The following PHKB variants were observed in gnomAD, a reference collection of about 807,000 sequenced individuals.
PHKB encodes phosphorylase kinase regulatory subunit beta.
Under a neutral mutation model 152.1 loss-of-function variants are expected in PHKB, and 122 were observed. The observed-to-expected ratio is 0.80, with a 90% CI of 0.69 to 0.93. The LOEUF is 0.93. PHKB is among the 40% of genes least tolerant of loss of function. The pLI is 0.00. For synonymous variants in PHKB, 436 were observed against 464.9 expected, an observed-to-expected ratio of 0.94 and a Z score of 0.80; for missense variants, 1,304 against 1,328.4, an observed-to-expected ratio of 0.98 and a Z score of 0.29.
At chr16:47,689,604 C>G (rs192705577) in intron 27 of PHKB, among the ~76,000 whole-genome samples, 5 of 152,132 alleles carry the variant, frequency 3.3e-5, no homozygotes, top group Admixed American at 2.6e-4. Context: ...AATGCTAAAC[C>G]CTTTCCTAGA....
chr16:47,511,636 ATGT>A, intron 4 of PHKB, 26 bp from the exon 5 acceptor site: 1 of 1,399,496 alleles, frequency 7.1e-7, no homozygotes, highest in Non-Finnish European at 1.0e-6. Flanking sequence ...TGAATTACTA[ATGT>A]TGTTTAATTT....
At chr16:47,637,295 C>T (rs541058657) in intron 14 of PHKB, among the ~76,000 whole-genome samples, 19 of 152,300 alleles carry the variant, frequency 1.2e-4, no homozygotes, top group East Asian at 7.7e-4. Context: ...GGGACAAGAA[C>T]TTGGGACTCA....
At chr16:47,668,187 G>A (rs1432576749) in intron 25 of PHKB, among the ~76,000 whole-genome samples, 1 of 152,186 alleles carries the variant, frequency 6.6e-6, no homozygotes, top group East Asian at 1.9e-4. Context: ...ATGAAATCAT[G>A]GCTTAGTCAT....
chr16:47,548,876 T>G (rs1383025514), intron 7 of PHKB, among the ~76,000 whole-genome samples: 2 of 152,184 alleles, frequency 1.3e-5, no homozygotes, highest in Non-Finnish European at 2.9e-5. Flanking sequence ...TGTAATAGTA[T>G]ATATAAAGCA....
In PHKB at chr16:47,678,526, A is replaced by G. The variant is rs566740312; in HGVS notation, c.2630+9109A>G. ...TGCATTTCTCTGATGGCCAGTGATC[A>G]TGAGCATTTTTTCATGTGTTTTTTG... is the stretch of plus-strand genomic sequence containing the variant. On this transcript the variant is annotated intron_variant, in intron 26 of 30. Transcript: ENST00000323584. Among the ~76,000 whole-genome samples the G allele has an allele frequency of 2.0e-4, 31 of 152,214 alleles. No individual in the cohort carries two copies. In the East Asian group the frequency reaches 5.8e-3, roughly 28 times the overall value.
At chr16:47,479,561 G>A (rs747656032) in intron 1 of PHKB, among the ~76,000 whole-genome samples, 7 of 151,392 alleles carry the variant, frequency 4.6e-5, no homozygotes, top group African/African-American at 9.7e-5. Context: ...CTGAGAAACT[G>A]CTATTCTAAC....
rs1971322354 is a variant in PHKB at position 47,554,099 on chromosome 16, T to C, written c.710+6551T>C. Reference sequence around the variant, plus strand: ...CTTCACAGCTTGCAAGAAGGGACGTTTAAGTCTGCTGAAGCTGCGCCCACA... The same window carrying C: ...CTTCACAGCTTGCAAGAAGGGACGTCTAAGTCTGCTGAAGCTGCGCCCACA... On this transcript the variant is annotated intron_variant, in intron 7 of 30. Transcript: ENST00000323584. 2.0e-5 allele frequency among the ~76,000 whole-genome samples: 3 copies of C among 152,294 alleles called. No homozygotes were observed. The South Asian group carries it at 6.2e-4, about 32-fold the overall frequency.
At chr16:47,463,975 T>G in intron 1 of PHKB, 4 of 1,613,192 alleles carry the variant, frequency 2.5e-6, no homozygotes, top group Non-Finnish European at 3.4e-6. Context: ...CTCTCCGTCT[T>G]CCGCTTTCTT....
intron 14 of PHKB, among the ~76,000 whole-genome samples, chr16:47,629,948 C>T (rs1972793586): frequency 6.6e-6 from 1 of 151,440 alleles, no homozygotes; most frequent in Admixed American, 6.6e-5. Context: ...ACCGCATATT[C>T]TCACTCATAG....
intron 25 of PHKB, among the ~76,000 whole-genome samples, chr16:47,668,531 G>A (rs1316659320): frequency 3.9e-5 from 6 of 152,196 alleles, no homozygotes; most frequent in Non-Finnish European, 8.8e-5. Context: ...AGAGGAGAGA[G>A]AGAGACCAGC....
Position 47,593,543 on chromosome 16 carries a change from A to C in PHKB, c.1112A>C (p.Tyr371Ser), listed in dbSNP as rs541515150. The C allele has an allele frequency of 2.7e-6, 4 of 1,499,074 alleles. No homozygotes were observed. The East Asian group carries it at 9.0e-5, about 34-fold the overall frequency. The allele number at this position is 1,499,074 out of a possible 1,614,324, so 92.9% of individuals were successfully genotyped here. Residue 371 changes from tyrosine to serine, a missense_variant, in exon 11 of 31, where the codon TAT becomes TCT. Transcript: ENST00000323584. ...IECEFPIFFL[Y>S]MMIDGVFRGN... ...TGTGAATTTCCCATATTTTTCCTTT[A>C]TATGATGATTGATGGTAAGTAAGCT...
intron 6 of PHKB, among the ~76,000 whole-genome samples, chr16:47,544,033 A>C (rs1207981204): frequency 1.3e-5 from 2 of 152,166 alleles, no homozygotes; most frequent in African/African-American, 4.8e-5. Flanking sequence ...CTTTTCAAAA[A>C]ACCAGCTCCT....
intron 1 of PHKB, among the ~76,000 whole-genome samples, chr16:47,488,716 G>A (rs1008772384): frequency 6.6e-6 from 1 of 152,112 alleles, no homozygotes; most frequent in African/African-American, 2.4e-5. Flanking sequence ...TTTCCCCAAT[G>A]CTTGTTTTCT....
chr16:47,658,524 A>G (rs532930448), intron 20 of PHKB, among the ~76,000 whole-genome samples: 10 of 152,284 alleles, frequency 6.6e-5, no homozygotes, highest in South Asian at 4.1e-4. Flanking sequence ...GTTTTAGTCA[A>G]TGATGGACCA....
chr16:47,512,530 G>A (rs186209068), intron 5 of PHKB, among the ~76,000 whole-genome samples: 1 of 152,288 alleles, frequency 6.6e-6, no homozygotes, highest in African/African-American at 2.4e-5. Context: ...ATTTCTTAAT[G>A]TGTCATCCTT....
chr16:47,625,591 C>G (rs752730484), intron 14 of PHKB, among the ~76,000 whole-genome samples: 2 of 152,166 alleles, frequency 1.3e-5, no homozygotes, highest in Non-Finnish European at 2.9e-5. Flanking sequence ...CCTTAGCACA[C>G]TCCTTTTAGT....
intron 11 of PHKB, 29 bp from the exon 12 acceptor site, chr16:47,594,108 G>T: frequency 8.8e-7 from 1 of 1,131,714 alleles, no homozygotes; most frequent in Non-Finnish European, 1.3e-6. Context: ...AAGCTCAGCT[G>T]CTATTGGATT....
chr16:47,676,878 C>A (rs1973741640), intron 26 of PHKB, among the ~76,000 whole-genome samples: 1 of 152,202 alleles, frequency 6.6e-6, no homozygotes, highest in Admixed American at 6.5e-5. Context: ...GTCTGTCAGT[C>A]AAGCTTTACT....
intron 7 of PHKB, among the ~76,000 whole-genome samples, chr16:47,554,010 C>A (rs899586388): frequency 6.6e-6 from 1 of 152,182 alleles, no homozygotes; most frequent in African/African-American, 2.4e-5. Flanking sequence ...TCAGGAGACA[C>A]AGGTGTCAGG....
Sources: allele counts gnomAD v4.1 joint callset (sites outside exome capture counted in the v4.1 genomes callset), GRCh38; gene constraint gnomAD v4.1.1; transcripts MANE v1.5; gene names NCBI Gene and HGNC (gene_info 2026-07-23, HGNC 2026-07-21).